Variants in SLC24A2 observed in about 807,000 individuals in gnomAD.
The protein encoded by SLC24A2 is solute carrier family 24 member 2.
A neutral mutation model predicts 62.0 loss-of-function variants in SLC24A2; 36 were observed. The ratio of observed to expected loss-of-function variants is 0.58; its 90% CI spans 0.44 to 0.77. The LOEUF (loss-of-function observed/expected upper bound fraction) is 0.77, where lower values mean the gene tolerates loss of function less well. SLC24A2 is among the 30% of genes least tolerant of loss of function. SLC24A2 has a pLI of 0.00. For synonymous variants in SLC24A2, 358 were observed against 294.0 expected, an observed-to-expected ratio of 1.22 and a Z score of -2.23; for missense variants, 846 against 817.9, an observed-to-expected ratio of 1.03 and a Z score of -0.42.
the SLC24A2 span, among the ~76,000 whole-genome samples, chr9:20,119,045 GT>G: frequency 6.6e-6 from 1 of 152,168 alleles, no homozygotes; most frequent in South Asian, 2.1e-4. Context: ...ATTGAGAGTG[GT>G]TTTAAAGAAA....
chr9:19,568,789 G>A (rs897490849), intron 7 of SLC24A2, among the ~76,000 whole-genome samples: 10 of 152,102 alleles, frequency 6.6e-5, no homozygotes, highest in Admixed American at 2.6e-4. Context: ...TAATGCAATT[G>A]CCTGGTTCAA....
At chr9:19,653,432 T>C (rs1015468159) in intron 2 of SLC24A2, among the ~76,000 whole-genome samples, 5 of 152,216 alleles carry the variant, frequency 3.3e-5, no homozygotes, top group African/African-American at 7.2e-5. Flanking sequence ...AGAAGTGTGC[T>C]GAATGGATGC....
the SLC24A2 span, among the ~76,000 whole-genome samples, chr9:20,267,309 T>A: frequency 3.3e-5 from 5 of 152,034 alleles, no homozygotes; most frequent in South Asian, 2.1e-4. Context: ...CCACACCAAC[T>A]CAAATTTGTC....
chr9:19,996,708 C>T, the SLC24A2 span, among the ~76,000 whole-genome samples: 7 of 146,148 alleles, frequency 4.8e-5, no homozygotes, highest in South Asian at 1.3e-3. Context: ...TGCCACTGCA[C>T]CACTCCAGCC....
intron 3 of SLC24A2, among the ~76,000 whole-genome samples, chr9:19,621,421 C>G (rs1030564518): frequency 6.6e-6 from 1 of 152,120 alleles, no homozygotes; most frequent in African/African-American, 2.4e-5. Flanking sequence ...GGAGGAAGGA[C>G]AGGGTCATAT....
intron 2 of SLC24A2, among the ~76,000 whole-genome samples, chr9:19,751,954 T>C (rs997759706): frequency 6.6e-6 from 1 of 152,208 alleles, no homozygotes; most frequent in African/African-American, 2.4e-5. Flanking sequence ...CTTGTCCTGC[T>C]CCTTTCTATG....
chr9:19,869,769 T>A, the SLC24A2 span, among the ~76,000 whole-genome samples: 1 of 152,230 alleles, frequency 6.6e-6, no homozygotes, highest in Admixed American at 6.5e-5. Context: ...TATAAAGTCA[T>A]GTCTTCTTAA....
the SLC24A2 span, among the ~76,000 whole-genome samples, chr9:20,043,599 G>A: frequency 6.6e-6 from 1 of 152,160 alleles, no homozygotes; most frequent in Non-Finnish European, 1.5e-5. Flanking sequence ...ACCTTGAGAG[G>A]TTTAAGACTT....
chr9:19,983,741 T>G, the SLC24A2 span, among the ~76,000 whole-genome samples: 1 of 152,270 alleles, frequency 6.6e-6, no homozygotes, highest in Non-Finnish European at 1.5e-5. Context: ...TGCATGCAAT[T>G]GAATATAAAC....
At chr9:19,731,598 T>C (rs1796575595) in intron 2 of SLC24A2, among the ~76,000 whole-genome samples, 1 of 152,056 alleles carries the variant, frequency 6.6e-6, no homozygotes, top group South Asian at 2.1e-4. Flanking sequence ...GTTGAACATC[T>C]ATGAGCTAGA....
At chr9:20,152,083 A>G in the SLC24A2 span, among the ~76,000 whole-genome samples, 14 of 151,888 alleles carry the variant, frequency 9.2e-5, no homozygotes, top group African/African-American at 3.4e-4. Context: ...CTCAGCAAAT[A>G]TTAATTCCCT....
At chr9:19,761,194 C>G (rs1822314564) in intron 2 of SLC24A2, among the ~76,000 whole-genome samples, 1 of 152,116 alleles carries the variant, frequency 6.6e-6, no homozygotes, top group Non-Finnish European at 1.5e-5. Context: ...ATTGCTGGGT[C>G]AAATGGTATT....
At chr9:19,930,305 T>G in the SLC24A2 span, among the ~76,000 whole-genome samples, 1 of 152,220 alleles carries the variant, frequency 6.6e-6, no homozygotes, top group Non-Finnish European at 1.5e-5. Flanking sequence ...TGTTTCCACA[T>G]TGAGATGTAT....
chr9:19,622,521 T>C (rs568273995), intron 2 of SLC24A2, among the ~76,000 whole-genome samples: 21 of 152,134 alleles, frequency 1.4e-4, no homozygotes, highest in African/African-American at 5.1e-4. Flanking sequence ...AAGGTCAAAG[T>C]TGAATGGCCA....
At chr9:20,246,103 G>C in the SLC24A2 span, among the ~76,000 whole-genome samples, 2 of 152,114 alleles carry the variant, frequency 1.3e-5, no homozygotes, top group African/African-American at 4.8e-5. Flanking sequence ...GGTTGCTGCA[G>C]GATATCAAGG....
chr9:20,098,005 G>A, the SLC24A2 span, among the ~76,000 whole-genome samples: 2 of 149,980 alleles, frequency 1.3e-5, no homozygotes, highest in Non-Finnish European at 3.0e-5. Flanking sequence ...GCCTCCCAAA[G>A]TGCTGGGATT....
the SLC24A2 span, among the ~76,000 whole-genome samples, chr9:20,099,100 A>T: frequency 6.6e-6 from 1 of 152,250 alleles, no homozygotes; most frequent in Non-Finnish European, 1.5e-5. Flanking sequence ...TAGCTTAGTC[A>T]CTGGAGGAAA....
chr9:19,725,758 A>G (rs755478004), intron 2 of SLC24A2, among the ~76,000 whole-genome samples: 8 of 152,278 alleles, frequency 5.3e-5, no homozygotes, highest in East Asian at 1.9e-4. Context: ...GCTCTCCTCA[A>G]TGTTTCTAAA....
the SLC24A2 span, among the ~76,000 whole-genome samples, chr9:19,893,459 C>T: frequency 6.6e-6 from 1 of 152,134 alleles, no homozygotes; most frequent in Non-Finnish European, 1.5e-5. Context: ...AGTTTTTATT[C>T]TATTAAAGTT....
Sources: allele counts gnomAD v4.1 joint callset (sites outside exome capture counted in the v4.1 genomes callset), GRCh38; gene constraint gnomAD v4.1.1; transcripts MANE v1.5; gene names NCBI Gene and HGNC (gene_info 2026-07-23, HGNC 2026-07-21).